The following MRAP2 variants were observed in gnomAD, a reference collection of about 807,000 sequenced individuals.
MRAP2 encodes the protein melanocortin 2 receptor accessory protein 2, also known as melanocortin-2 receptor accessory protein 2.
MRAP2 carries 20 observed loss-of-function variants against 17.4 expected under a neutral mutation model. The ratio of observed to expected loss-of-function variants is 1.15; its 90% CI spans 0.81 to 1.67. The LOEUF (loss-of-function observed/expected upper bound fraction) is 1.67. Ranked by LOEUF, MRAP2 falls within the 40% of genes most tolerant of loss-of-function variation. The pLI is 0.00. For synonymous variants in MRAP2, 96 were observed against 88.4 expected, an observed-to-expected ratio of 1.09 and a Z score of -0.48; for missense variants, 238 against 240.0, an observed-to-expected ratio of 0.99 and a Z score of 0.05.
downstream of MRAP2, among the ~76,000 whole-genome samples, chr6:84,095,610 A>G (rs2099502543): frequency 6.6e-6 from 1 of 152,206 alleles, no homozygotes; most frequent in Non-Finnish European, 1.5e-5. Context: ...CTTTGCCAAA[A>G]TATATACTGT....
chr6:84,060,113 A>T (rs2099492719), intron 2 of MRAP2, among the ~76,000 whole-genome samples: 1 of 152,158 alleles, frequency 6.6e-6, no homozygotes, highest in Non-Finnish European at 1.5e-5. Flanking sequence ...TCAAAGGGAA[A>T]TGTGAATAAG....
chr6:84,135,438 C>G, the MRAP2 span, among the ~76,000 whole-genome samples: 1 of 149,008 alleles, frequency 6.7e-6, no homozygotes, highest in Admixed American at 6.6e-5. Flanking sequence ...ACAATCTGTG[C>G]GTAGCCCAGA....
At chr6:84,116,893 A>ACT in the MRAP2 span, among the ~76,000 whole-genome samples, 482 of 152,110 alleles carry the variant, frequency 3.2e-3, 3 homozygotes, top group African/African-American at 0.011. Flanking sequence ...GTTTGCCAGT[A>ACT]TTTTTTTGAG....
intron 1 of MRAP2, among the ~76,000 whole-genome samples, chr6:84,041,103 C>T (rs757865882): frequency 2.0e-5 from 3 of 152,198 alleles, no homozygotes; most frequent in Non-Finnish European, 2.9e-5. Flanking sequence ...TGGTGCCCTG[C>T]ATCCTAGTCA....
chr6:84,115,756 G>A, the MRAP2 span, among the ~76,000 whole-genome samples: 260 of 152,286 alleles, frequency 1.7e-3, 6 homozygotes, highest in East Asian at 0.046. Flanking sequence ...AAGACCATGG[G>A]AAAAGTACAA....
At chr6:84,078,622 T>C (rs114583356) in intron 3 of MRAP2, among the ~76,000 whole-genome samples, 1,570 of 152,268 alleles carry the variant, frequency 0.01, 30 homozygotes, top group African/African-American at 0.036. Context: ...GTGGATCCCT[T>C]GTGAATGGCT....
At chr6:84,044,785 G>T (rs1431594604) in intron 1 of MRAP2, among the ~76,000 whole-genome samples, 1 of 152,250 alleles carries the variant, frequency 6.6e-6, no homozygotes, top group Non-Finnish European at 1.5e-5. Context: ...ACATATGGAT[G>T]TTGGGTGTGG....
At chr6:84,038,261 T>C (rs912214768) in intron 1 of MRAP2, among the ~76,000 whole-genome samples, 2 of 152,220 alleles carry the variant, frequency 1.3e-5, no homozygotes, top group African/African-American at 2.4e-5. Flanking sequence ...GATAGTTAAT[T>C]CAGTCCTTTC....
chr6:84,122,655 C>T, the MRAP2 span, among the ~76,000 whole-genome samples: 2 of 152,066 alleles, frequency 1.3e-5, no homozygotes, highest in Admixed American at 6.6e-5. Flanking sequence ...AAGCATTTCC[C>T]TAAGAACTGG....
chr6:84,083,009 T>C (rs2099499399), intron 3 of MRAP2, among the ~76,000 whole-genome samples: 1 of 152,066 alleles, frequency 6.6e-6, no homozygotes, highest in Admixed American at 6.6e-5. Context: ...AAAGTTCAAA[T>C]GTCTAACCAA....
At chr6:84,042,902 C>T (rs1253027504) in intron 1 of MRAP2, among the ~76,000 whole-genome samples, 1 of 152,230 alleles carries the variant, frequency 6.6e-6, no homozygotes, top group Non-Finnish European at 1.5e-5. Flanking sequence ...ATTTCCATTT[C>T]TGTGGAACAG....
At chr6:84,134,815 A>C in the MRAP2 span, among the ~76,000 whole-genome samples, 2 of 152,062 alleles carry the variant, frequency 1.3e-5, no homozygotes, top group East Asian at 3.9e-4. Context: ...CCTCCCCCCC[A>C]CAGATTAAAC....
At chr6:84,071,019 G>T (rs1240306454) in intron 3 of MRAP2, among the ~76,000 whole-genome samples, 1 of 152,102 alleles carries the variant, frequency 6.6e-6, no homozygotes, top group East Asian at 1.9e-4. Flanking sequence ...TATCCATTCT[G>T]TGGTTCTGTA....
At chr6:84,071,135 T>C (rs1031583590) in intron 3 of MRAP2, among the ~76,000 whole-genome samples, 11 of 152,178 alleles carry the variant, frequency 7.2e-5, no homozygotes, top group Non-Finnish European at 1.6e-4. Flanking sequence ...TTTGGTTTTA[T>C]TGTTTTTGCT....
At chr6:84,103,585 A>G in the MRAP2 span, among the ~76,000 whole-genome samples, 1 of 152,244 alleles carries the variant, frequency 6.6e-6, no homozygotes, top group Non-Finnish European at 1.5e-5. Context: ...TCCAGTAAGC[A>G]GGATCAATTT....
the MRAP2 span, among the ~76,000 whole-genome samples, chr6:84,117,797 G>C: frequency 6.6e-6 from 1 of 152,080 alleles, no homozygotes; most frequent in Non-Finnish European, 1.5e-5. Flanking sequence ...AGTACCTGGA[G>C]GTATCAGCAG....
In MRAP2 at chr6:84,062,981, C is replaced by T. The variant is rs1430787704; in HGVS notation, c.216C>T (p.Ala72=). The T allele has an allele frequency of 6.2e-7, 1 of 1,614,082 alleles. No individual in the cohort carries two copies. Among genetic ancestry groups the T allele is most frequent in the East Asian group, 2.2e-5 (1 of 44,882 alleles). ...TGACCTTGCTGACCAAGACAGGAGC[C>T]CCACACCAAGAGTAAGTTTGGGCTG... ...FVLTLLTKTG[A]PHQDNAESSE... is the part of the protein sequence containing the mutation. Residue 72 remains alanine (A), a synonymous_variant, in exon 3 of 4, where the codon GCC becomes GCT. Coordinates refer to ENST00000257776, the MANE Select transcript of MRAP2 (RefSeq NM_138409.4).
chr6:84,145,441 A>G, the MRAP2 span, among the ~76,000 whole-genome samples: 2 of 152,102 alleles, frequency 1.3e-5, no homozygotes, highest in South Asian at 4.1e-4. Context: ...GACTAGACTT[A>G]TTTTTGCCAT....
At chr6:84,126,605 A>G in the MRAP2 span, 4 of 949,744 alleles carry the variant, frequency 4.2e-6, no homozygotes, top group Non-Finnish European at 6.0e-6. Flanking sequence ...AAATTTCTCT[A>G]TATAAGTAAG....
Sources: allele counts gnomAD v4.1 joint callset (sites outside exome capture counted in the v4.1 genomes callset), GRCh38; gene constraint gnomAD v4.1.1; transcripts MANE v1.5; gene names NCBI Gene and HGNC (gene_info 2026-07-23, HGNC 2026-07-21).